PHACTR4: variants seen among roughly 807,000 people sequenced by gnomAD.
The protein encoded by PHACTR4 is phosphatase and actin regulator 4.
A neutral mutation model predicts 72.7 loss-of-function variants in PHACTR4; 51 were observed. That is an observed-to-expected ratio of 0.70 (90% CI 0.56 to 0.89). PHACTR4 has a LOEUF of 0.89. PHACTR4 is among the 40% of genes least tolerant of loss of function. The pLI is 0.00. For synonymous variants in PHACTR4, 255 were observed against 302.5 expected, an observed-to-expected ratio of 0.84 and a Z score of 1.63; for missense variants, 731 against 861.8, an observed-to-expected ratio of 0.85 and a Z score of 1.90.
rs1651066183 is a variant in PHACTR4 at position 28,369,770 on chromosome 1, T to G, written c.-94T>G. ...GCTGCCTGGCGGCCAACGGGCCAGG[T>G]AGGATTTCCGGGAGAGGCTGCTGTG... On this transcript the variant is annotated 5_prime_UTR_variant, in exon 1 of 14. Transcript: ENST00000373839. The G allele has an allele frequency of 6.7e-6, 3 of 450,278 alleles. No individual in the cohort carries two copies. The highest frequency in any genetic ancestry group is 8.9e-6 in the Non-Finnish European group (2 of 225,894). The allele number at this position is 450,278 out of a possible 1,614,324, so 27.9% of individuals were successfully genotyped here.
At chr1:28,405,735 A>G (rs1654277288) in intron 1 of PHACTR4, among the ~76,000 whole-genome samples, 1 of 151,878 alleles carries the variant, frequency 6.6e-6, no homozygotes, top group African/African-American at 2.4e-5. Context: ...TACTAAAAAT[A>G]CAAAAATTAG....
At position 28,473,758 on chromosome 1, in the gene PHACTR4, C is replaced by T. The variant is rs1029137640; in HGVS notation, c.1028C>T (p.Pro343Leu). 6.8e-6 allele frequency: 11 copies of T among 1,614,046 alleles called. No homozygotes were observed. The highest frequency in any genetic ancestry group is 1.6e-4 in the Middle Eastern group (1 of 6,062). The part of the protein sequence containing the change: ...ELLPMISPRS[P>L]SPPLPTHIPP... ...CTACCAATGATCTCACCTCGCTCTC[C>T]GTCCCCCCCACTGCCTACTCATATA... The change falls in exon 7 of 14, where the codon CCG becomes CTG. Residue 343 changes from proline (P) to leucine (L), a missense_variant. Transcript: ENST00000373839.
intron 1 of PHACTR4, among the ~76,000 whole-genome samples, chr1:28,385,544 A>G: frequency 1.2e-5 from 1 of 86,584 alleles, no homozygotes; most frequent in Non-Finnish European, 2.9e-5. Flanking sequence ...CTCTGTCTCA[A>G]AAAAAAAAAA....
intron 8 of PHACTR4, among the ~76,000 whole-genome samples, 168 bp downstream of exon 8, chr1:28,476,459 AC>A (rs1659926084): frequency 6.6e-6 from 1 of 151,084 alleles, no homozygotes; most frequent in Non-Finnish European, 1.5e-5. Context: ...CCCTATTATC[AC>A]CCCTCTGTTA....
At chr1:28,438,257 T>G in intron 2 of PHACTR4, 1 of 1,444,896 alleles carries the variant, frequency 6.9e-7, no homozygotes, top group South Asian at 1.5e-5. Flanking sequence ...TTATGCCATT[T>G]CCTGATGTTT....
chr1:28,400,494 A>G (rs1653865651), intron 1 of PHACTR4, among the ~76,000 whole-genome samples: 1 of 152,158 alleles, frequency 6.6e-6, no homozygotes, highest in African/African-American at 2.4e-5. Context: ...GTGCGGTTTA[A>G]GGAAAGCAGT....
At chr1:28,393,065 C>T (rs1653183821) in intron 1 of PHACTR4, among the ~76,000 whole-genome samples, 1 of 152,078 alleles carries the variant, frequency 6.6e-6, no homozygotes, top group African/African-American at 2.4e-5. Flanking sequence ...CCACTGGGGG[C>T]TTTGGAATGT....
chr1:28,382,109 C>G (rs903360133), intron 1 of PHACTR4, among the ~76,000 whole-genome samples: 1 of 152,088 alleles, frequency 6.6e-6, no homozygotes, highest in African/African-American at 2.4e-5. Flanking sequence ...TTTCTTCTTA[C>G]AAATTTGTTT....
intron 1 of PHACTR4, among the ~76,000 whole-genome samples, chr1:28,395,607 G>C (rs1314264987): frequency 6.9e-6 from 1 of 145,066 alleles, no homozygotes; most frequent in Non-Finnish European, 1.5e-5. Context: ...TTGAATATTT[G>C]TGCTTAAAAA....
intron 1 of PHACTR4, among the ~76,000 whole-genome samples, chr1:28,395,818 A>ATTTTTTTTTTTTT (rs754161784): frequency 1.3e-5 from 1 of 75,004 alleles, no homozygotes; most frequent in African/African-American, 8.0e-5. Context: ...CGCCTGGCTA[A>ATTTTTTTTTTTTT]TTTTTTTTTT....
In PHACTR4 at chr1:28,402,880, A is replaced by G. The variant is rs1283358096; in HGVS notation, c.-38-4530A>G. 2.0e-5 allele frequency among the ~76,000 whole-genome samples: 3 copies of G among 152,186 alleles called. No homozygotes were observed. In the East Asian group the frequency reaches 5.8e-4, roughly 29 times the overall value. ...ACCAGGATCATCCCCTAGGATTGAT[A>G]TTATAACAACATCAATCAAAAGAAG... On this transcript the variant is annotated intron_variant, in intron 1 of 13. Transcript: ENST00000373839.
intron 1 of PHACTR4, among the ~76,000 whole-genome samples, chr1:28,406,453 A>G (rs377648071): frequency 1.5e-4 from 23 of 152,326 alleles, no homozygotes; most frequent in African/African-American, 5.1e-4. Flanking sequence ...AAGGTCCTAA[A>G]GAAATCATCT....
chr1:28,395,696 A>G (rs111601958), intron 1 of PHACTR4, among the ~76,000 whole-genome samples: 68 of 145,328 alleles, frequency 4.7e-4, no homozygotes, highest in African/African-American at 1.4e-3. Context: ...CTGGAGTGCA[A>G]TGGCACCATC....
chr1:28,474,175 CTT>C (rs1557839784), intron 7 of PHACTR4, 24 bp downstream of exon 7: 1 of 1,564,914 alleles, frequency 6.4e-7, no homozygotes, highest in Admixed American at 1.8e-5. Flanking sequence ...AAGCTTGCCT[CTT>C]ATTTCTCCTT....
At chr1:28,462,422 G>T (rs1658879479) in intron 4 of PHACTR4, among the ~76,000 whole-genome samples, 1 of 151,126 alleles carries the variant, frequency 6.6e-6, no homozygotes, top group Non-Finnish European at 1.5e-5. Flanking sequence ...TTCACCTTCA[G>T]TCTCTTTTGC....
At chr1:28,388,189 C>CA (rs60155544) in intron 1 of PHACTR4, among the ~76,000 whole-genome samples, 58,018 of 150,296 alleles carry the variant, frequency 0.39, 12,811 homozygotes, top group African/African-American at 0.6. Context: ...GACTCTGTCT[C>CA]AAAAAAAACA....
chr1:28,417,972 A>G (rs910936632), intron 2 of PHACTR4, among the ~76,000 whole-genome samples: 2 of 150,914 alleles, frequency 1.3e-5, no homozygotes, highest in African/African-American at 4.9e-5. Flanking sequence ...AAAAAGACAC[A>G]AGAATCTTTT....
chr1:28,398,131 T>C (rs1653661757), intron 1 of PHACTR4, among the ~76,000 whole-genome samples: 1 of 152,192 alleles, frequency 6.6e-6, no homozygotes, highest in African/African-American at 2.4e-5. Flanking sequence ...AAGAGTTCTG[T>C]TAAAGGTGGG....
intron 2 of PHACTR4, among the ~76,000 whole-genome samples, chr1:28,451,968 T>C (rs1431208382): frequency 1.3e-5 from 2 of 152,160 alleles, no homozygotes; most frequent in Non-Finnish European, 2.9e-5. Context: ...AACTCTTTAT[T>C]ATACAGCTAA....
Sources: allele counts gnomAD v4.1 joint callset (sites outside exome capture counted in the v4.1 genomes callset), GRCh38; gene constraint gnomAD v4.1.1; transcripts MANE v1.5; gene names NCBI Gene and HGNC (gene_info 2026-07-23, HGNC 2026-07-21).